Variants in ATG5 observed in about 807,000 individuals in gnomAD.
ATG5 encodes autophagy protein 5.
Under a neutral mutation model 36.5 loss-of-function variants are expected in ATG5, and 14 were observed. The ratio of observed to expected loss-of-function variants is 0.38; its 90% CI spans 0.25 to 0.60. The LOEUF (loss-of-function observed/expected upper bound fraction) is 0.60, where lower values mean the gene tolerates loss of function less well. Ranked by LOEUF, ATG5 falls within the 20% of genes least tolerant of loss-of-function variation. The pLI is 0.60. For missense variants in ATG5, 195 were observed against 326.7 expected (o/e 0.60, Z 3.11); for synonymous variants, 95 against 101.5 (o/e 0.94, Z 0.38).
At chr6:106,225,151 C>A (rs1777406584) in intron 6 of ATG5, among the ~76,000 whole-genome samples, 1 of 152,318 alleles carries the variant, frequency 6.6e-6, no homozygotes, top group Admixed American at 6.5e-5. Context: ...TTCACAATAA[C>A]CCTATTTTAC....
At position 106,318,774 on chromosome 6, in the gene ATG5, CAAAT is replaced by C. The variant is rs150521483; in HGVS notation, c.-58-2512_-58-2509del. Among the ~76,000 whole-genome samples the C allele has an allele frequency of 6.6e-5, 10 of 152,182 alleles. 1 individual carries two copies. In the East Asian group the frequency reaches 1.9e-3, roughly 29 times the overall value. On this transcript the variant is annotated intron_variant, in intron 1 of 7. Coordinates refer to ENST00000369076, the MANE Select transcript of ATG5 (RefSeq NM_004849.4). ...CTTACTGCCTCAAAATACACAGACC[CAAAT>C]TTATAGGATCTTAAAATGTTAATCT...
chr6:106,320,948 G>T (rs1161314886), intron 1 of ATG5, among the ~76,000 whole-genome samples: 2 of 152,218 alleles, frequency 1.3e-5, no homozygotes, highest in Non-Finnish European at 2.9e-5. Context: ...CTGACCTAGA[G>T]AGGTAGTCAT....
intron 4 of ATG5, among the ~76,000 whole-genome samples, chr6:106,280,831 G>C (rs1025339136): frequency 2.0e-5 from 3 of 152,070 alleles, no homozygotes; most frequent in Non-Finnish European, 4.4e-5. Context: ...CATGGGGCTA[G>C]GATTTAAGGC....
intron 1 of ATG5, among the ~76,000 whole-genome samples, chr6:106,321,566 G>A (rs1485375243): frequency 6.6e-6 from 1 of 152,010 alleles, no homozygotes; most frequent in Non-Finnish European, 1.5e-5. Flanking sequence ...CACCGTGTTA[G>A]CCAGGATGGT....
intron 7 of ATG5, among the ~76,000 whole-genome samples, chr6:106,196,955 GTTAAC>G (rs112581686): frequency 0.025 from 3,735 of 152,238 alleles, 61 homozygotes; most frequent in African/African-American, 0.049. Flanking sequence ...AAAAGCAACT[GTTAAC>G]TTTAGTTTTT....
chr6:106,308,582 C>T, intron 2 of ATG5, 91 bp from the exon 3 acceptor site: 2 of 1,014,476 alleles, frequency 2.0e-6, no homozygotes, highest in Non-Finnish European at 2.7e-6. Context: ...GGAAAAACAG[C>T]CGTGTTCTTT....
At chr6:106,235,219 G>A (rs781395931) in intron 6 of ATG5, among the ~76,000 whole-genome samples, 1 of 152,108 alleles carries the variant, frequency 6.6e-6, no homozygotes, top group Non-Finnish European at 1.5e-5. Context: ...TCCTTGTTAA[G>A]TTTGTCTCTT....
chr6:106,191,865 T>C (rs1775978382), intron 7 of ATG5, among the ~76,000 whole-genome samples: 1 of 152,196 alleles, frequency 6.6e-6, no homozygotes, highest in African/African-American at 2.4e-5. Flanking sequence ...AGTTCATTTT[T>C]TTAGTACTAG....
chr6:106,245,626 G>C (rs1778300478), intron 6 of ATG5, among the ~76,000 whole-genome samples: 1 of 151,938 alleles, frequency 6.6e-6, no homozygotes, highest in Non-Finnish European at 1.5e-5. Flanking sequence ...TCAGTACTCT[G>C]TCTCTCTCTC....
intron 2 of ATG5, among the ~76,000 whole-genome samples, chr6:106,311,749 C>G (rs1170764515): frequency 2.6e-5 from 4 of 151,890 alleles, no homozygotes; most frequent in Non-Finnish European, 5.9e-5. Context: ...TTGAAAAGAT[C>G]ACTCCAACTG....
rs1453395457 is a variant in ATG5 at position 106,248,068 on chromosome 6, CAA to C, written c.573+80_573+81del. On this transcript the variant is annotated intron_variant, in intron 6 of 7. Transcript: ENST00000369076. ...AAATACCGTTTAGTTACTATGCAGA[CAA>C]AGAGTTCTACACTAGAGTGCTTCAA... The C allele has an allele frequency of 6.4e-6, 7 of 1,085,606 alleles. No homozygotes were observed. The Admixed American group carries it at 7.7e-5, about 12-fold the overall frequency. The allele number at this position is 1,085,606 out of a possible 1,614,324, so 67.2% of individuals were successfully genotyped here.
chr6:106,270,268 T>G (rs1482572783), intron 5 of ATG5, among the ~76,000 whole-genome samples: 1 of 152,138 alleles, frequency 6.6e-6, no homozygotes, highest in Non-Finnish European at 1.5e-5. Flanking sequence ...ATATATATAG[T>G]AAAATGCTTG....
intron 7 of ATG5, among the ~76,000 whole-genome samples, chr6:106,190,023 C>T (rs1358015142): frequency 6.6e-6 from 1 of 152,044 alleles, no homozygotes; most frequent in Non-Finnish European, 1.5e-5. Flanking sequence ...TACATAACTA[C>T]AGTATAGTTA....
intron 6 of ATG5, among the ~76,000 whole-genome samples, chr6:106,208,963 T>C (rs147323069): frequency 7.2e-5 from 11 of 152,236 alleles, no homozygotes; most frequent in Non-Finnish European, 1.5e-4. Flanking sequence ...GAAATGCAAA[T>C]TAAAACCACA....
intron 6 of ATG5, among the ~76,000 whole-genome samples, chr6:106,232,730 C>G (rs1231405161): frequency 6.6e-6 from 1 of 152,118 alleles, no homozygotes; most frequent in African/African-American, 2.4e-5. Flanking sequence ...GAGGTTAGTG[C>G]AAGATCTCAG....
At chr6:106,319,326 A>G (rs1328871947) in intron 1 of ATG5, among the ~76,000 whole-genome samples, 1 of 149,778 alleles carries the variant, frequency 6.7e-6, no homozygotes, top group African/African-American at 2.5e-5. Flanking sequence ...AGTAGTAATT[A>G]TAGGTATAAA....
At chr6:106,325,318 G>C (rs1771246314) in intron 1 of ATG5, 1 of 152,306 alleles carries the variant, frequency 6.6e-6, no homozygotes, top group African/African-American at 2.4e-5. Context: ...GACCCCGCAG[G>C]CCACACCCGC....
chr6:106,303,685 A>G (rs565773423), intron 3 of ATG5, among the ~76,000 whole-genome samples: 1 of 152,322 alleles, frequency 6.6e-6, no homozygotes, highest in African/African-American at 2.4e-5. Flanking sequence ...GAATCCAACA[A>G]TGTATAAAAC....
chr6:106,248,270 T>A (rs764013292), intron 5 of ATG5, 26 bp from the exon 6 acceptor site: 8 of 1,521,712 alleles, frequency 5.3e-6, no homozygotes, highest in Middle Eastern at 1.8e-4. Flanking sequence ...TTATTTGTTA[T>A]TAAAAATGAA....
Sources: gnomAD v4.1 joint callset for allele counts (sites outside exome capture counted in the v4.1 genomes callset) on GRCh38, gnomAD v4.1.1 for gene constraint, MANE v1.5 for transcripts, NCBI Gene and HGNC (gene_info 2026-07-23, HGNC 2026-07-21) for gene names.